PPFIBP2: variants seen among roughly 807,000 people sequenced by gnomAD.
PPFIBP2 encodes PPFIB scaffold protein 2, also known as liprin-beta-2.
Under a neutral mutation model 118.3 loss-of-function variants are expected in PPFIBP2, and 118 were observed. The observed-to-expected ratio is 1.00, with a 90% CI of 0.86 to 1.16. The LOEUF (loss-of-function observed/expected upper bound fraction) is 1.16, where lower values mean the gene tolerates loss of function less well. Among genes scored for constraint, PPFIBP2 ranks in the 50% most tolerant of loss-of-function variants. The probability of loss-of-function intolerance (pLI) is 0.00; values close to 1 mark genes in which losing one functional copy is unlikely to be tolerated. For synonymous variants in PPFIBP2, 414 were observed against 397.4 expected (o/e 1.04, Z -0.50); for missense variants, 1,195 against 1,073.1 (o/e 1.11, Z -1.59).
In PPFIBP2 at chr11:7,635,562, G is replaced by T. The variant is rs939431019; in HGVS notation, c.1205G>T (p.Gly402Val). The T allele has an allele frequency of 8.7e-6, 14 of 1,611,006 alleles. No individual in the cohort carries two copies. Among genetic ancestry groups the T allele is most frequent in the Non-Finnish European group, 1.2e-5 (14 of 1,177,144 alleles). Residue 402 changes from glycine to valine, a missense_variant, in exon 14 of 24, where the codon GGG becomes GTG. By Grantham distance (109) the Gly-to-Val change is moderately radical (BLOSUM62 -3). Transcript: ENST00000299492. ...RSESVDKCMD[G>V]NQPFPVLEPK... ...CATGTTACTCCATAGTGTATGGATG[G>T]GAACCAGCCCTTCCCGGTGTTAGAA...
intron 5 of PPFIBP2, among the ~76,000 whole-genome samples, chr11:7,609,559 G>A (rs1325577634): frequency 6.6e-6 from 1 of 152,134 alleles, no homozygotes; most frequent in African/African-American, 2.4e-5. Flanking sequence ...CTTATGAAGT[G>A]TTTTTATTAG....
intron 3 of PPFIBP2, among the ~76,000 whole-genome samples, chr11:7,578,535 G>T (rs1856791795): frequency 6.6e-6 from 1 of 152,218 alleles, no homozygotes; most frequent in South Asian, 2.1e-4. Flanking sequence ...CAGCAAATCT[G>T]TACTGAGTTT....
intron 5 of PPFIBP2, among the ~76,000 whole-genome samples, chr11:7,602,489 C>T (rs1261160918): frequency 6.6e-6 from 1 of 152,130 alleles, no homozygotes; most frequent in African/African-American, 2.4e-5. Flanking sequence ...AGCTCCTCTG[C>T]CTCTGATCAC....
Position 7,604,478 on chromosome 11 carries a change from AC to A in PPFIBP2, c.487-5806del, listed in dbSNP as rs751921873. Among the ~76,000 whole-genome samples the A allele has an allele frequency of 4.1e-3, 531 of 129,776 alleles. 5 individuals carry two copies. The highest frequency in any genetic ancestry group is 0.017 in the African/African-American group (500 of 29,606). 85.1% of individuals were successfully genotyped at this position (129,776 alleles called of 152,430 possible). ...CTCACCCACCCATACACGCACACAC[AC>A]CCCCCCATACCTACTCACCCACCCA... On this transcript the variant is annotated intron_variant, in intron 5 of 23. Transcript: ENST00000299492.
At chr11:7,578,300 C>G (rs1856755230) in intron 3 of PPFIBP2, among the ~76,000 whole-genome samples, 1 of 152,260 alleles carries the variant, frequency 6.6e-6, no homozygotes, top group South Asian at 2.1e-4. Flanking sequence ...TTTAAATTGG[C>G]TAAGATAGGT....
At chr11:7,657,784 G>A (rs1334223034), downstream of PPFIBP2, among the ~76,000 whole-genome samples, 2 of 152,188 alleles carry the variant, frequency 1.3e-5, no homozygotes, top group Non-Finnish European at 2.9e-5. Flanking sequence ...TCCAGTTACA[G>A]GTAGCTCTCC....
At chr11:7,614,614 T>C (rs1294831370) in intron 6 of PPFIBP2, among the ~76,000 whole-genome samples, 1 of 152,218 alleles carries the variant, frequency 6.6e-6, no homozygotes, top group Non-Finnish European at 1.5e-5. Context: ...TGATGTGGAA[T>C]TTATGGGTCA....
chr11:7,544,238 A>G (rs1590181527), intron 1 of PPFIBP2, among the ~76,000 whole-genome samples: 1 of 152,202 alleles, frequency 6.6e-6, no homozygotes, highest in East Asian at 1.9e-4. Flanking sequence ...CAGCCTGCTC[A>G]TTAGGGTCAA....
chr11:7,567,801 C>T (rs1205479342), intron 3 of PPFIBP2, among the ~76,000 whole-genome samples: 1 of 152,242 alleles, frequency 6.6e-6, no homozygotes, highest in Non-Finnish European at 1.5e-5. Flanking sequence ...GTCTGTGGCT[C>T]AGCAGCTTTC....
At chr11:7,664,404 T>TAATACTCTGTGATGGA in the PPFIBP2 span, among the ~76,000 whole-genome samples, 3 of 152,268 alleles carry the variant, frequency 2.0e-5, no homozygotes, top group African/African-American at 7.2e-5. Context: ...TTGGGCTGCG[T>TAATACTCTGTGATGGA]AATACTCTGT....
chr11:7,588,014 A>G (rs1858522998), intron 3 of PPFIBP2, among the ~76,000 whole-genome samples: 2 of 152,190 alleles, frequency 1.3e-5, no homozygotes, highest in South Asian at 4.1e-4. Flanking sequence ...GTTCGCCACA[A>G]TTCATGGTGA....
At chr11:7,665,357 C>G in the PPFIBP2 span, 3 of 1,485,414 alleles carry the variant, frequency 2.0e-6, no homozygotes, top group Non-Finnish European at 2.7e-6. Flanking sequence ...TGCAAAATTG[C>G]TGAGCACGTG....
chr11:7,564,484 T>C (rs61890221), intron 2 of PPFIBP2, among the ~76,000 whole-genome samples: 29,529 of 152,184 alleles, frequency 0.19, 2,901 homozygotes, highest in African/African-American at 0.2. Context: ...AAAGATCTTC[T>C]AACTGGGAAG....
At chr11:7,560,146 G>A (rs143051047) in intron 2 of PPFIBP2, among the ~76,000 whole-genome samples, 27 of 152,220 alleles carry the variant, frequency 1.8e-4, no homozygotes, top group East Asian at 5.8e-4. Flanking sequence ...ATTATAGAGC[G>A]AGGGAAAGCT....
Position 7,549,676 on chromosome 11 carries a change from G to A in PPFIBP2, c.64+137G>A, listed in dbSNP as rs1564962066. 3 of 896,194 alleles carry A rather than the reference G, an allele frequency of 3.3e-6. No homozygotes were observed. The Admixed American group carries it at 1.0e-4, about 31-fold the overall frequency. 55.5% of individuals were successfully genotyped at this position (896,194 alleles called of 1,614,324 possible). A position where few individuals can be genotyped will look rare whatever the true frequency, so the allele number is the denominator to read the frequency against. ...ATATTTATTTTTCAGTGGTGTTATT[G>A]TGTATGTAATCTCTTTTTTTTCTTT... On this transcript the variant is annotated intron_variant, in intron 2 of 23. Transcript: ENST00000299492.
intron 5 of PPFIBP2, 59 bp from the exon 6 acceptor site, chr11:7,610,232 C>G: frequency 6.4e-7 from 1 of 1,568,098 alleles, no homozygotes; most frequent in Non-Finnish European, 8.8e-7. Flanking sequence ...GTAAATGAAG[C>G]CAGAGCTGTT....
intron 4 of PPFIBP2, among the ~76,000 whole-genome samples, chr11:7,594,567 A>C (rs921737947): frequency 3.9e-5 from 6 of 152,072 alleles, no homozygotes; most frequent in African/African-American, 1.4e-4. Context: ...GAATCACCTG[A>C]GGTTAGGAGT....
intron 2 of PPFIBP2, among the ~76,000 whole-genome samples, chr11:7,554,638 C>G (rs1277044862): frequency 6.6e-6 from 1 of 151,970 alleles, no homozygotes; most frequent in Non-Finnish European, 1.5e-5. Flanking sequence ...GGTGCGATGG[C>G]CTTTGTCTCA....
At chr11:7,635,804 T>A (rs555150818) in intron 14 of PPFIBP2, among the ~76,000 whole-genome samples, 1 of 152,336 alleles carries the variant, frequency 6.6e-6, no homozygotes, top group South Asian at 2.1e-4. Flanking sequence ...TGGGACAGGA[T>A]TTATTATTAT....
Sources: allele counts gnomAD v4.1 joint callset (sites outside exome capture counted in the v4.1 genomes callset), GRCh38; gene constraint gnomAD v4.1.1; transcripts MANE v1.5; gene names NCBI Gene and HGNC (gene_info 2026-07-23, HGNC 2026-07-21).